PACS1: variants seen among roughly 807,000 people sequenced by gnomAD.
The protein encoded by PACS1 is PACS-1.
Under a neutral mutation model 115.0 loss-of-function variants are expected in PACS1, and 24 were observed. The ratio of observed to expected loss-of-function variants is 0.21; its 90% CI spans 0.15 to 0.29. PACS1 has a LOEUF of 0.29. Among genes scored for constraint, PACS1 ranks in the 10% least tolerant of loss-of-function variants. The pLI is 1.00. For synonymous variants in PACS1, 453 were observed against 504.5 expected, an observed-to-expected ratio of 0.90 and a Z score of 1.37; for missense variants, 838 against 1,251.2, an observed-to-expected ratio of 0.67 and a Z score of 4.98.
In PACS1 at chr11:66,202,728, A is replaced by G. The variant is rs868286888; in HGVS notation, c.445-7634A>G. ...ACATGGCAAAACCTCATCTCTAGGA[A>G]AAAAAAAAAAAAAAATATATATATA... is the stretch of plus-strand genomic sequence containing the variant. On this transcript the variant is annotated intron_variant, in intron 2 of 23. Coordinates refer to ENST00000320580, the MANE Select transcript of PACS1 (RefSeq NM_018026.4). 7.7e-3 allele frequency among the ~76,000 whole-genome samples: 237 copies of G among 30,976 alleles called. 5 individuals are homozygous for G. The highest frequency in any genetic ancestry group is 0.029 in the South Asian group (23 of 782). 20.3% of individuals were successfully genotyped at this position (30,976 alleles called of 152,430 possible). A position where few individuals can be genotyped will look rare whatever the true frequency, so the allele number is the denominator to read the frequency against.
At chr11:66,110,314 C>CAT (rs1301866427) in intron 1 of PACS1, among the ~76,000 whole-genome samples, 4 of 152,010 alleles carry the variant, frequency 2.6e-5, no homozygotes, top group African/African-American at 9.6e-5. Context: ...TTTTTTTATA[C>CAT]ATATATAGAC....
At chr11:66,113,755 A>G (rs1858238888) in intron 1 of PACS1, among the ~76,000 whole-genome samples, 1 of 152,198 alleles carries the variant, frequency 6.6e-6, no homozygotes. Flanking sequence ...CTCGTGATCA[A>G]ACTCTTGCTC....
intron 1 of PACS1, among the ~76,000 whole-genome samples, chr11:66,149,448 G>A (rs115791873): frequency 3.0e-3 from 449 of 152,068 alleles, no homozygotes; most frequent in African/African-American, 0.01. Flanking sequence ...GCGATTTATA[G>A]GATTGTTCCA....
intron 2 of PACS1, among the ~76,000 whole-genome samples, chr11:66,200,471 A>G (rs1455683989): frequency 6.6e-6 from 1 of 151,204 alleles, no homozygotes; most frequent in Admixed American, 6.6e-5. Context: ...ATGCAAATGG[A>G]AACAAACAAA....
At chr11:66,212,366 T>C (rs913066133) in intron 4 of PACS1, among the ~76,000 whole-genome samples, 1 of 151,724 alleles carries the variant, frequency 6.6e-6, no homozygotes, top group African/African-American at 2.4e-5. Context: ...TCTCCTGACC[T>C]TGTGATCCGC....
chr11:66,202,726 G>GGGGAAAAAAAAAAAAAAAAA lies in PACS1; in HGVS notation c.445-7636_445-7635insGGGAAAAAAAAAAAAAAAAA, dbSNP rs1554988658. ...CAACATGGCAAAACCTCATCTCTAG[G>GGGGAAAAAAAAAAAAAAAAA]AAAAAAAAAAAAAAAAATATATATA... On this transcript the variant is annotated intron_variant, in intron 2 of 23. Transcript: ENST00000320580. Among the ~76,000 whole-genome samples the GGGGAAAAAAAAAAAAAAAAA allele has an allele frequency of 2.7e-4, 3 of 10,964 alleles. 1 individual carries two copies. The highest frequency in any genetic ancestry group is 1.9e-3 in the Admixed American group (1 of 540). 7.2% of individuals were successfully genotyped at this position (10,964 alleles called of 152,430 possible).
rs141591748 is a variant in PACS1 at position 66,219,602 on chromosome 11, G to A, written c.979-144G>A. On this transcript the variant is annotated intron_variant, in intron 7 of 23. Coordinates refer to ENST00000320580, the MANE Select transcript of PACS1 (RefSeq NM_018026.4). Reference sequence around the variant, plus strand: ...TTGGCCTGTCTTCCTGACAGGCTTTGAGTGCCAAGGGCAGAGACCAAGTCC... The same window carrying A: ...TTGGCCTGTCTTCCTGACAGGCTTTAAGTGCCAAGGGCAGAGACCAAGTCC... 262 of 742,356 alleles carry A rather than the reference G, an allele frequency of 3.5e-4. 6 individuals carry two copies. In the East Asian group the frequency reaches 6.9e-3, roughly 19 times the overall value. The allele number at this position is 742,356 out of a possible 1,614,324, so 46.0% of individuals were successfully genotyped here.
intron 1 of PACS1, among the ~76,000 whole-genome samples, chr11:66,098,472 C>T (rs1186379201): frequency 6.6e-6 from 1 of 152,140 alleles, no homozygotes; most frequent in Non-Finnish European, 1.5e-5. Context: ...TTTTCTGGGT[C>T]ATTTGAGACC....
chr11:66,238,217 G>A (rs1376916694), intron 19 of PACS1: 1 of 985,198 alleles, frequency 1.0e-6, no homozygotes. Flanking sequence ...CCAGAGAGGA[G>A]AAGGCTGGTG....
chr11:66,213,595 G>T (rs559723107), intron 4 of PACS1, among the ~76,000 whole-genome samples: 1 of 152,228 alleles, frequency 6.6e-6, no homozygotes, highest in African/African-American at 2.4e-5. Flanking sequence ...ACATGTGCTC[G>T]TGTCTACACA....
chr11:66,224,665 AT>A (rs1387955710), intron 10 of PACS1, among the ~76,000 whole-genome samples: 2 of 152,044 alleles, frequency 1.3e-5, no homozygotes, highest in African/African-American at 2.4e-5. Context: ...TGATATTTCT[AT>A]TTTGAAGAGC....
chr11:66,129,313 T>A (rs1366627256), intron 1 of PACS1, among the ~76,000 whole-genome samples: 1 of 151,418 alleles, frequency 6.6e-6, no homozygotes, highest in Non-Finnish European at 1.5e-5. Flanking sequence ...GCACTTGTAA[T>A]CCCAGCTACT....
In PACS1 at chr11:66,070,587, CGCAGCA is replaced by C; in HGVS notation, c.116_121del (p.Gln39_Gln40del). On this transcript the variant is annotated inframe_deletion, in exon 1 of 24. Transcript: ENST00000320580. This position sits in a 1 kb window ranked among gnomAD's most constrained non-coding sequence, Gnocchi z 5.9. ...GCCCAGTCCCCTCAGCAGCCGCCGC[CGCAGCA>C]GCAGCAGCAGCAGCCGCCGCAGCAG... 1.2e-5 allele frequency: 18 copies of C among 1,493,804 alleles called. No individual in the cohort carries two copies. The Middle Eastern group carries it at 6.6e-4, about 55-fold the overall frequency. 92.5% of individuals were successfully genotyped at this position (1,493,804 alleles called of 1,614,324 possible). A position where few individuals can be genotyped will look rare whatever the true frequency, so the allele number is the denominator to read the frequency against.
intron 1 of PACS1, among the ~76,000 whole-genome samples, chr11:66,076,487 G>A (rs188317001): frequency 2.0e-5 from 3 of 151,766 alleles, no homozygotes; most frequent in African/African-American, 4.8e-5. Flanking sequence ...TGCAACCTCC[G>A]CCTCCCAGGA....
chr11:66,229,474 C>T (rs1339095562), intron 11 of PACS1, among the ~76,000 whole-genome samples: 6 of 151,572 alleles, frequency 4.0e-5, no homozygotes, highest in African/African-American at 7.3e-5. Flanking sequence ...CCGAGGCGGG[C>T]GGATCACGAG....
intron 1 of PACS1, among the ~76,000 whole-genome samples, chr11:66,191,216 A>G (rs1227542249): frequency 6.6e-6 from 1 of 152,082 alleles, no homozygotes; most frequent in Non-Finnish European, 1.5e-5. Flanking sequence ...CATCAGCCAT[A>G]TCTCCAGTCC....
At chr11:66,139,223 G>A (rs527985372) in intron 1 of PACS1, among the ~76,000 whole-genome samples, 1 of 152,208 alleles carries the variant, frequency 6.6e-6, no homozygotes, top group South Asian at 2.1e-4. Flanking sequence ...TACATAGTGG[G>A]TGTATATATT....
intron 1 of PACS1, among the ~76,000 whole-genome samples, chr11:66,168,498 C>G (rs922397493): frequency 1.3e-5 from 2 of 150,288 alleles, no homozygotes; most frequent in African/African-American, 5.0e-5. Flanking sequence ...TGGTTTCAGT[C>G]CTCACTTAGC....
chr11:66,170,559 A>G (rs1390128407), intron 1 of PACS1, among the ~76,000 whole-genome samples: 1 of 150,142 alleles, frequency 6.7e-6, no homozygotes. Context: ...TTATCTTTAA[A>G]GTTATCTTCT....
Sources: gnomAD v4.1 joint callset for allele counts (sites outside exome capture counted in the v4.1 genomes callset) on GRCh38, gnomAD v4.1.1 for gene constraint, Gnocchi (gnomAD v3.1) non-coding constraint, MANE v1.5 for transcripts, NCBI Gene and HGNC (gene_info 2026-07-23, HGNC 2026-07-21) for gene names.